Variants in P4HA2 observed in about 807,000 individuals in gnomAD.
P4HA2 encodes prolyl 4-hydroxylase subunit alpha 2, also known as prolyl 4-hydroxylase subunit alpha-2.
A neutral mutation model predicts 76.9 loss-of-function variants in P4HA2; 46 were observed. The ratio of observed to expected loss-of-function variants is 0.60; its 90% CI spans 0.47 to 0.76. The LOEUF is 0.76. Ranked by LOEUF, P4HA2 falls within the 30% of genes least tolerant of loss-of-function variation. The pLI is 0.00. For synonymous variants in P4HA2, 243 were observed against 254.0 expected, an observed-to-expected ratio of 0.96 and a Z score of 0.41; for missense variants, 583 against 669.4, an observed-to-expected ratio of 0.87 and a Z score of 1.42.
At chr5:132,221,464 A>C (rs1296408918) in intron 1 of P4HA2, among the ~76,000 whole-genome samples, 4 of 152,230 alleles carry the variant, frequency 2.6e-5, no homozygotes, top group Non-Finnish European at 4.4e-5. Flanking sequence ...CATTTCTTCT[A>C]TACAATGAGT....
At chr5:132,223,303 C>T (rs1347376280) in intron 1 of P4HA2, among the ~76,000 whole-genome samples, 2 of 152,206 alleles carry the variant, frequency 1.3e-5, no homozygotes, top group Admixed American at 6.5e-5. Flanking sequence ...CGCTCTGTCG[C>T]CCAGGCTGGA....
intron 1 of P4HA2, among the ~76,000 whole-genome samples, chr5:132,225,406 C>A (rs1025080600): frequency 3.9e-5 from 6 of 152,164 alleles, no homozygotes; most frequent in African/African-American, 1.4e-4. Context: ...CAGTCTCAGA[C>A]CCTCCCAAGG....
Position 132,203,835 on chromosome 5 carries a change from C to T in P4HA2, c.1164G>A (p.Glu388=), listed in dbSNP as rs1333222590. The stretch of plus-strand genomic sequence containing the variant: ...GGGCCACAACAGGGTCATCATCTTC[C>T]TCTAGCCAGGAGCTGGGCAAAAAGA... ...SYRVSKSSWL[E]EDDDPVVARV... The change falls in exon 10 of 15, where the codon GAG becomes GAA. Residue 388 remains glutamate, a synonymous_variant. Transcript: ENST00000360568. 9 of 1,613,362 alleles carry T rather than the reference C, an allele frequency of 5.6e-6. No individual in the cohort carries two copies. Among genetic ancestry groups the T allele is most frequent in the East Asian group, 4.5e-5 (2 of 44,878 alleles).
intron 3 of P4HA2, 113 bp from the exon 4 acceptor site, chr5:132,217,461 A>C: frequency 1.0e-6 from 1 of 989,800 alleles, no homozygotes; most frequent in Non-Finnish European, 1.5e-6. Context: ...CCTTTTCATC[A>C]AGAGGCAATG....
intron 5 of P4HA2, among the ~76,000 whole-genome samples, chr5:132,212,511 G>A (rs1272764652): frequency 2.6e-5 from 4 of 152,140 alleles, no homozygotes; most frequent in East Asian, 1.9e-4. Context: ...ATAGAAGGAT[G>A]AGGGGGAAGG....
At chr5:132,225,951 T>C (rs1381645262) in intron 1 of P4HA2, among the ~76,000 whole-genome samples, 1 of 152,140 alleles carries the variant, frequency 6.6e-6, no homozygotes, top group South Asian at 2.1e-4. Context: ...CGTGGCTTCA[T>C]TGGCTGGGCC....
intron 1 of P4HA2, among the ~76,000 whole-genome samples, chr5:132,224,523 G>T (rs958658316): frequency 6.6e-6 from 1 of 152,198 alleles, no homozygotes; most frequent in East Asian, 1.9e-4. Context: ...CCAGACTAGG[G>T]AACAGTGAAG....
chr5:132,212,826 G>A (rs553210599), intron 5 of P4HA2, among the ~76,000 whole-genome samples: 3 of 152,286 alleles, frequency 2.0e-5, no homozygotes, highest in Admixed American at 1.3e-4. Context: ...AACGTGAGAG[G>A]TCAACGCCAG....
At position 132,218,526 on chromosome 5, in the gene P4HA2, C is replaced by A; in HGVS notation, c.82+19G>T. On this transcript the variant is annotated intron_variant, in intron 2 of 14. Transcript: ENST00000360568. ...GTGAGCCAAGGTGTCAGGGAGACGA[C>A]AGTCCTGTTGGCACGTACCAATAGA... 6.4e-7 allele frequency: 1 copy of A among 1,571,160 alleles called. No individual in the cohort carries two copies. Among genetic ancestry groups the A allele is most frequent in the Non-Finnish European group, 8.8e-7 (1 of 1,141,366 alleles).
At chr5:132,220,934 G>A (rs1366224099) in intron 1 of P4HA2, among the ~76,000 whole-genome samples, 1 of 152,222 alleles carries the variant, frequency 6.6e-6, no homozygotes, top group Non-Finnish European at 1.5e-5. Context: ...CCAAGCAGCA[G>A]CTCCCAGACT....
At chr5:132,212,566 A>G (rs1331477441) in intron 5 of P4HA2, among the ~76,000 whole-genome samples, 1 of 152,172 alleles carries the variant, frequency 6.6e-6, no homozygotes, top group African/African-American at 2.4e-5. Flanking sequence ...AGGACACATG[A>G]AGTTCGAGAA....
chr5:132,191,791 C>T lies in P4HA2; in HGVS notation c.*1219G>A, dbSNP rs1290658385. ...ATGTGTTTATATGTGCACCAGGAAT[C>T]ATGTATAAAAATGTTTATCACAGCA... is the stretch of plus-strand genomic sequence containing the variant. On this transcript the variant is annotated 3_prime_UTR_variant, in exon 15 of 15. Coordinates refer to ENST00000360568, the MANE Select transcript of P4HA2 (RefSeq NM_001017974.2). 6 of 152,168 alleles carry T rather than the reference C, an allele frequency of 3.9e-5. No individual in the cohort carries two copies. The highest frequency in any genetic ancestry group is 1.4e-4 in the African/African-American group (6 of 41,420). The allele number at this position is 152,168 out of a possible 1,614,324, so 9.4% of individuals were successfully genotyped here.
At chr5:132,214,367 G>A (rs146316528) in intron 4 of P4HA2, among the ~76,000 whole-genome samples, 12 of 152,306 alleles carry the variant, frequency 7.9e-5, no homozygotes, top group Non-Finnish European at 1.3e-4. Flanking sequence ...AGAGCTGGTG[G>A]AGACAGAAGA....
intron 6 of P4HA2, 97 bp downstream of exon 6, chr5:132,210,187 G>T (rs1249995588): frequency 2.2e-6 from 3 of 1,393,600 alleles, no homozygotes; most frequent in South Asian, 2.5e-5. Flanking sequence ...AGGGTAAACT[G>T]ACTCAGTCCC....
intron 7 of P4HA2, among the ~76,000 whole-genome samples, chr5:132,208,621 A>T (rs1752587084): frequency 6.6e-6 from 1 of 151,840 alleles, no homozygotes; most frequent in African/African-American, 2.4e-5. Flanking sequence ...GGGCTGGGAC[A>T]GGGGAGAAAC....
rs557026194 is a variant in P4HA2 at position 132,190,630 on chromosome 5, C to G, written c.*2380G>C. 6.6e-6 allele frequency among the ~76,000 whole-genome samples: 1 copy of G among 152,092 alleles called. No individual in the cohort carries two copies. The highest frequency in any genetic ancestry group is 6.5e-5 in the Admixed American group (1 of 15,272). ...AGACTATATAGCTTTCAGAAGAGAA[C>G]ACAGGAAACATCCTCATGATCTTGG... On this transcript the variant is annotated 3_prime_UTR_variant, in exon 15 of 15. Coordinates refer to ENST00000360568, the MANE Select transcript of P4HA2 (RefSeq NM_001017974.2).
intron 10 of P4HA2, chr5:132,199,411 G>A (rs1324114024): frequency 6.4e-6 from 1 of 156,456 alleles, no homozygotes; most frequent in East Asian, 1.9e-4. Flanking sequence ...GCTATTCCTG[G>A]TGAGACTGAG....
chr5:132,227,700 C>G (rs955636029), intron 1 of P4HA2, 90 bp downstream of exon 1: 4 of 152,520 alleles, frequency 2.6e-5, no homozygotes, highest in African/African-American at 7.2e-5. Flanking sequence ...TAACTCTCAG[C>G]CCCGCGCGGG....
intron 12 of P4HA2, among the ~76,000 whole-genome samples, chr5:132,197,376 G>T (rs1580648581): frequency 2.0e-5 from 3 of 152,162 alleles, no homozygotes. Context: ...GGGAGGCCGA[G>T]GGGGGCGGAT....
Sources: gnomAD v4.1 joint callset for allele counts (sites outside exome capture counted in the v4.1 genomes callset) on GRCh38, gnomAD v4.1.1 for gene constraint, MANE v1.5 for transcripts, NCBI Gene and HGNC (gene_info 2026-07-23, HGNC 2026-07-21) for gene names.